Variants in LUZP2 observed in about 807,000 individuals in gnomAD.
The protein encoded by LUZP2 is leucine zipper protein 2.
LUZP2 carries 52 observed loss-of-function variants against 51.6 expected under a neutral mutation model. That is an observed-to-expected ratio of 1.01 (90% CI 0.81 to 1.27). The LOEUF is 1.27. LUZP2 is among the 50% of genes most tolerant of loss of function. The pLI is 0.00. For missense variants in LUZP2, 436 were observed against 395.4 expected (o/e 1.10, Z -0.87); for synonymous variants, 154 against 137.3 (o/e 1.12, Z -0.85).
chr11:24,565,516 T>C (rs1852187350), intron 1 of LUZP2, among the ~76,000 whole-genome samples: 1 of 152,148 alleles, frequency 6.6e-6, no homozygotes, highest in South Asian at 2.1e-4. Context: ...AAGCATCTGT[T>C]ATGACCATTT....
chr11:24,760,941 A>G (rs1229008080), intron 4 of LUZP2, among the ~76,000 whole-genome samples: 1 of 152,228 alleles, frequency 6.6e-6, no homozygotes, highest in Non-Finnish European at 1.5e-5. Context: ...ATACCTTATG[A>G]CATCCTTAAC....
At chr11:24,740,051 C>G (rs918455403) in intron 4 of LUZP2, among the ~76,000 whole-genome samples, 8 of 152,092 alleles carry the variant, frequency 5.3e-5, no homozygotes, top group African/African-American at 1.9e-4. Flanking sequence ...TCTGCCGTGA[C>G]TAATCATATT....
chr11:24,729,835 G>C (rs528476856), intron 2 of LUZP2, among the ~76,000 whole-genome samples: 1 of 151,812 alleles, frequency 6.6e-6, no homozygotes, highest in East Asian at 1.9e-4. Flanking sequence ...ATTATATCCT[G>C]TATGCTAAAA....
At chr11:24,811,131 T>C (rs1323618034) in intron 5 of LUZP2, among the ~76,000 whole-genome samples, 1 of 152,186 alleles carries the variant, frequency 6.6e-6, no homozygotes, top group Non-Finnish European at 1.5e-5. Context: ...TTATCCTTGC[T>C]TCACTCTGTT....
At chr11:24,815,076 T>G (rs1385451465) in intron 5 of LUZP2, among the ~76,000 whole-genome samples, 1 of 152,140 alleles carries the variant, frequency 6.6e-6, no homozygotes, top group East Asian at 1.9e-4. Context: ...TATACTATAT[T>G]GATTTGCTAG....
intron 5 of LUZP2, among the ~76,000 whole-genome samples, chr11:24,881,857 G>A (rs1446861301): frequency 6.6e-6 from 1 of 152,018 alleles, no homozygotes; most frequent in Non-Finnish European, 1.5e-5. Flanking sequence ...TTAAAAATAT[G>A]TATACTTGTA....
chr11:25,013,748 A>C (rs1378761596), intron 9 of LUZP2, among the ~76,000 whole-genome samples: 1 of 151,166 alleles, frequency 6.6e-6, no homozygotes, highest in Non-Finnish European at 1.5e-5. Flanking sequence ...TTATTTATTT[A>C]TTATTCTTTT....
intron 1 of LUZP2, among the ~76,000 whole-genome samples, chr11:24,539,163 A>T (rs374358365): frequency 2.3e-4 from 35 of 151,968 alleles, no homozygotes; most frequent in African/African-American, 7.9e-4. Context: ...ATTTTAAAAC[A>T]TTGGATCTGG....
intron 7 of LUZP2, among the ~76,000 whole-genome samples, chr11:24,954,299 A>G (rs1326606620): frequency 6.6e-6 from 1 of 152,038 alleles, no homozygotes; most frequent in Admixed American, 6.6e-5. Flanking sequence ...GTTGCCATGA[A>G]GCAATATTTT....
chr11:24,728,246 C>G (rs982981494), intron 1 of LUZP2, among the ~76,000 whole-genome samples: 2 of 151,942 alleles, frequency 1.3e-5, no homozygotes, highest in African/African-American at 4.8e-5. Flanking sequence ...AGCCAGAAAC[C>G]TGGCATCATT....
chr11:24,833,702 C>CCGCG (rs1302939149), intron 5 of LUZP2, among the ~76,000 whole-genome samples: 2 of 129,844 alleles, frequency 1.5e-5, no homozygotes, highest in African/African-American at 6.5e-5. Flanking sequence ...ACGCCTGCCA[C>CCGCG]CGCGCGCGCG....
chr11:24,516,830 G>C (rs904558379), intron 1 of LUZP2, among the ~76,000 whole-genome samples: 2 of 152,174 alleles, frequency 1.3e-5, no homozygotes, highest in Non-Finnish European at 2.9e-5. Context: ...CTAGGTAACA[G>C]CTGCCTGTTT....
At chr11:24,571,812 G>T (rs999476456) in intron 1 of LUZP2, among the ~76,000 whole-genome samples, 1 of 151,888 alleles carries the variant, frequency 6.6e-6, no homozygotes, top group African/African-American at 2.4e-5. Flanking sequence ...CCAGGTTTAG[G>T]TTGGCTTTAT....
intron 1 of LUZP2, among the ~76,000 whole-genome samples, chr11:24,601,877 CATGTATATATGTATAT>C (rs1190079682): frequency 7.5e-4 from 38 of 50,356 alleles, no homozygotes; most frequent in African/African-American, 1.3e-3. Context: ...TATATGTATA[CATGTATATATGTATAT>C]ATGTATATAT....
intron 1 of LUZP2, among the ~76,000 whole-genome samples, chr11:24,701,921 G>T (rs748222208): frequency 6.6e-6 from 1 of 152,126 alleles, no homozygotes; most frequent in Non-Finnish European, 1.5e-5. Flanking sequence ...TGCATTTAAT[G>T]TCTTGAACAT....
chr11:24,858,461 G>A (rs1000287613), intron 5 of LUZP2, among the ~76,000 whole-genome samples: 1 of 152,074 alleles, frequency 6.6e-6, no homozygotes, highest in Non-Finnish European at 1.5e-5. Context: ...CTCACTGGGG[G>A]AGAAAGTTTC....
rs77735387 is a variant in LUZP2 at position 24,937,161 on chromosome 11, A to G, written c.522+22623A>G. ...AGAAAAGCAATTCTAAGAAAAACTA[A>G]TTTACAACTTTGATTAACTGACATA... On this transcript the variant is annotated intron_variant, in intron 7 of 11. Transcript: ENST00000336930. 9.5e-3 allele frequency among the ~76,000 whole-genome samples: 1,453 copies of G among 152,348 alleles called. 19 individuals are homozygous for G. Among genetic ancestry groups the G allele is most frequent in the South Asian group, 0.045 (217 of 4,830 alleles).
intron 1 of LUZP2, among the ~76,000 whole-genome samples, chr11:24,728,387 C>G (rs1164773398): frequency 6.6e-6 from 1 of 151,914 alleles, no homozygotes; most frequent in Non-Finnish European, 1.5e-5. Context: ...TTGCTGAAAT[C>G]AATCCAAGTT....
intron 9 of LUZP2, among the ~76,000 whole-genome samples, chr11:24,986,537 CTGTGTGTGTGTG>C (rs61367765): frequency 3.4e-5 from 5 of 145,816 alleles, no homozygotes; most frequent in Non-Finnish European, 6.1e-5. Context: ...TAGCATGCCT[CTGTGTGTGTGTG>C]TGTGTGTGTG....
Sources: allele counts gnomAD v4.1 joint callset (sites outside exome capture counted in the v4.1 genomes callset), GRCh38; gene constraint gnomAD v4.1.1; transcripts MANE v1.5; gene names NCBI Gene and HGNC (gene_info 2026-07-23, HGNC 2026-07-21).